CREBBP: variants seen among roughly 807,000 people sequenced by gnomAD.
The protein encoded by CREBBP is CREB-binding protein.
CREBBP carries 19 observed loss-of-function variants against 265.0 expected under a neutral mutation model. The observed-to-expected ratio is 0.07, with a 90% CI of 0.05 to 0.11. The LOEUF (loss-of-function observed/expected upper bound fraction) is 0.11. Ranked by LOEUF, CREBBP falls within the 10% of genes least tolerant of loss-of-function variation. The pLI is 1.00. For missense variants in CREBBP, 2,525 were observed against 3,219.0 expected, an observed-to-expected ratio of 0.78 and a Z score of 5.22; for synonymous variants, 1,457 against 1,223.7, an observed-to-expected ratio of 1.19 and a Z score of -3.98.
chr16:3,849,487 G>GACCTTGGAGCCACCTGGAGGC (rs2054778916), intron 2 of CREBBP, among the ~76,000 whole-genome samples: 1 of 122,196 alleles, frequency 8.2e-6, no homozygotes, highest in Non-Finnish European at 1.7e-5. Context: ...GTGTGTGTGT[G>GACCTTGGAGCCACCTGGAGGC]TGATGTGCGT....
intron 3 of CREBBP, among the ~76,000 whole-genome samples, chr16:3,809,771 C>T (rs1396024948): frequency 2.6e-5 from 4 of 152,124 alleles, no homozygotes; most frequent in East Asian, 1.9e-4. Context: ...CATAAAAAAC[C>T]GAAAGACAAA....
intron 11 of CREBBP, among the ~76,000 whole-genome samples, chr16:3,776,349 C>A (rs2053137709): frequency 6.6e-6 from 1 of 152,132 alleles, no homozygotes; most frequent in South Asian, 2.1e-4. Flanking sequence ...TGGTCAAGAG[C>A]TACAGGGTTT....
At chr16:3,871,012 G>T (rs1359116572) in intron 1 of CREBBP, among the ~76,000 whole-genome samples, 1 of 149,788 alleles carries the variant, frequency 6.7e-6, no homozygotes, top group East Asian at 2.0e-4. Flanking sequence ...GTAAAGAAGG[G>T]GAGGGGAAGG....
At chr16:3,798,085 G>A (rs1351514254) in intron 3 of CREBBP, among the ~76,000 whole-genome samples, 3 of 152,194 alleles carry the variant, frequency 2.0e-5, no homozygotes, top group Admixed American at 6.5e-5. Flanking sequence ...GGGAGGGATC[G>A]TTTCTCAATG....
chr16:3,802,379 G>A (rs1056021267), intron 3 of CREBBP, among the ~76,000 whole-genome samples: 5 of 151,654 alleles, frequency 3.3e-5, no homozygotes, highest in East Asian at 1.9e-4. Context: ...TGATCCACCC[G>A]CCTTGGCCTC....
At chr16:3,795,908 C>A (rs1366917932) in intron 3 of CREBBP, among the ~76,000 whole-genome samples, 2 of 152,202 alleles carry the variant, frequency 1.3e-5, no homozygotes, top group Non-Finnish European at 2.9e-5. Flanking sequence ...CCTTCTTGGG[C>A]ATCAGCTAAT....
At chr16:3,799,201 T>C (rs1435404011) in intron 3 of CREBBP, among the ~76,000 whole-genome samples, 2 of 152,202 alleles carry the variant, frequency 1.3e-5, no homozygotes, top group Non-Finnish European at 2.9e-5. Context: ...CTAATGGTAC[T>C]AGGTTTCTCT....
intron 1 of CREBBP, among the ~76,000 whole-genome samples, chr16:3,851,860 C>CAAAAAAAAAAAAAAAA (rs1159688899): frequency 2.1e-4 from 6 of 28,960 alleles, no homozygotes; most frequent in African/African-American, 6.2e-4. Flanking sequence ...GACTCCGTCT[C>CAAAAAAAAAAAAAAAA]AAAAAAAAAA....
At chr16:3,876,835 G>C (rs2055413740) in intron 1 of CREBBP, among the ~76,000 whole-genome samples, 2 of 152,178 alleles carry the variant, frequency 1.3e-5, no homozygotes, top group Non-Finnish European at 2.9e-5. Flanking sequence ...TCGGCAACTT[G>C]TTTGTCATCA....
intron 5 of CREBBP, among the ~76,000 whole-genome samples, chr16:3,790,192 A>G (rs1337968674): frequency 1.3e-5 from 2 of 152,148 alleles, no homozygotes; most frequent in African/African-American, 4.8e-5. Context: ...CTTTTACAGT[A>G]ATGTGGGAGG....
chr16:3,814,991 C>T (rs576960388), intron 2 of CREBBP, among the ~76,000 whole-genome samples: 1 of 152,326 alleles, frequency 6.6e-6, no homozygotes, highest in Admixed American at 6.5e-5. Flanking sequence ...TGCCAAACCA[C>T]CTCCTGGCAG....
At chr16:3,847,261 G>T (rs1423506765) in intron 2 of CREBBP, among the ~76,000 whole-genome samples, 1 of 152,156 alleles carries the variant, frequency 6.6e-6, no homozygotes, top group African/African-American at 2.4e-5. Context: ...CTGTAAGGAG[G>T]ATGTTGCTCT....
In CREBBP at chr16:3,850,973, G is replaced by A; in HGVS notation, c.122C>T (p.Pro41Leu). ...TCCTCCATTGGGTATCAGCTCATCAGGAAGATCATTTTCCAAGTCAAACAA... is the reference window on the plus strand; with the variant it reads ...TCCTCCATTGGGTATCAGCTCATCAAGAAGATCATTTTCCAAGTCAAACAA... ...GSLFDLENDLPDELIPNGGEL... is the reference protein window; with the variant it reads ...GSLFDLENDLLDELIPNGGEL... The change falls in exon 2 of 31, where the codon CCT becomes CTT. Residue 41 changes from proline (P) to leucine (L), a missense_variant. Coordinates refer to ENST00000262367, the MANE Select transcript of CREBBP (RefSeq NM_004380.3). 6.2e-7 allele frequency: 1 copy of A among 1,614,134 alleles called. No individual in the cohort carries two copies. Among genetic ancestry groups the A allele is most frequent in the Non-Finnish European group, 8.5e-7 (1 of 1,180,022 alleles).
chr16:3,766,980 C>T (rs895164731), intron 16 of CREBBP, among the ~76,000 whole-genome samples: 12 of 152,204 alleles, frequency 7.9e-5, no homozygotes, highest in Admixed American at 7.2e-4. Context: ...AACATGGTCT[C>T]AGTCTCTAAC....
chr16:3,837,227 A>G (rs1034142755), intron 2 of CREBBP, among the ~76,000 whole-genome samples: 3 of 152,172 alleles, frequency 2.0e-5, no homozygotes, highest in African/African-American at 7.2e-5. Flanking sequence ...AGTGATATTC[A>G]TGATCCTGAC....
intron 3 of CREBBP, 59 bp from the exon 4 acceptor site, chr16:3,793,685 A>T: frequency 6.3e-7 from 1 of 1,576,202 alleles, no homozygotes; most frequent in Non-Finnish European, 8.6e-7. Context: ...AGTCATATTC[A>T]TTAATTATTT....
At chr16:3,839,723 G>A (rs1408405091) in intron 2 of CREBBP, among the ~76,000 whole-genome samples, 2 of 138,562 alleles carry the variant, frequency 1.4e-5, no homozygotes, top group Non-Finnish European at 3.2e-5. Flanking sequence ...GGGAGGGGAG[G>A]GGGAGGGGGA....
Position 3,774,629 on chromosome 16 carries a change from A to G in CREBBP, c.2223T>C (p.Pro741=), listed in dbSNP as rs1751696324. Residue 741 remains proline (P), a synonymous_variant, in exon 12 of 31, where the codon CCT becomes CCC. Coordinates refer to ENST00000262367, the MANE Select transcript of CREBBP (RefSeq NM_004380.3). ...AGTGGTTCATTGGGGAGGCTGCACG[A>G]GGTCCCATGGGTGCTTGTGGCAACT... ...NVQLPQAPMG[P]RAASPMNHSV... 1 of 1,614,206 alleles carries G rather than the reference A, an allele frequency of 6.2e-7. No homozygotes were observed. The highest frequency in any genetic ancestry group is 1.3e-5 in the African/African-American group (1 of 75,050).
intron 1 of CREBBP, among the ~76,000 whole-genome samples, chr16:3,868,769 G>A (rs1403965734): frequency 6.6e-6 from 1 of 152,140 alleles, no homozygotes; most frequent in African/African-American, 2.4e-5. Context: ...CCACGGGACT[G>A]CTCACCCACC....
Sources: gnomAD v4.1 joint callset for allele counts (sites outside exome capture counted in the v4.1 genomes callset) on GRCh38, gnomAD v4.1.1 for gene constraint, MANE v1.5 for transcripts, NCBI Gene and HGNC (gene_info 2026-07-23, HGNC 2026-07-21) for gene names.